The following MTCL2 variants were observed in gnomAD, a reference collection of about 807,000 sequenced individuals.
The protein encoded by MTCL2 is microtubule crosslinking factor 2.
chr20:36,825,345 C>G, the MTCL2 span, among the ~76,000 whole-genome samples: 1 of 152,158 alleles, frequency 6.6e-6, no homozygotes, highest in Non-Finnish European at 1.5e-5. Flanking sequence ...GACAACCACA[C>G]CATGTCCGTG....
At chr20:36,804,749 C>T in the MTCL2 span, 10 of 1,613,698 alleles carry the variant, frequency 6.2e-6, no homozygotes, top group African/African-American at 1.3e-5. Flanking sequence ...GAGGTATGGC[C>T]CTTGAGCTCT....
the MTCL2 span, among the ~76,000 whole-genome samples, chr20:36,846,982 C>A: frequency 6.6e-6 from 1 of 152,230 alleles, no homozygotes; most frequent in Non-Finnish European, 1.5e-5. Context: ...TGCACTCCAG[C>A]CTGGGCGACA....
At chr20:36,797,515 T>C in the MTCL2 span, 1 of 1,554,642 alleles carries the variant, frequency 6.4e-7, no homozygotes, top group East Asian at 2.4e-5. Flanking sequence ...CTTCCAGCTG[T>C]TGTCCTGCTT....
chr20:36,862,482 AG>A, the MTCL2 span, among the ~76,000 whole-genome samples: 1 of 152,046 alleles, frequency 6.6e-6, no homozygotes, highest in African/African-American at 2.4e-5. Context: ...AATAAAGTTG[AG>A]AGGGGGCGGG....
chr20:36,854,149 C>G, the MTCL2 span, among the ~76,000 whole-genome samples: 2 of 152,162 alleles, frequency 1.3e-5, no homozygotes, highest in Non-Finnish European at 2.9e-5. Flanking sequence ...GAGAGAAGCA[C>G]AAGACCCCAG....
the MTCL2 span, among the ~76,000 whole-genome samples, chr20:36,845,997 G>A: frequency 6.6e-6 from 1 of 152,138 alleles, no homozygotes; most frequent in African/African-American, 2.4e-5. Flanking sequence ...AGTAGGCCTC[G>A]TGGCTATGGA....
At chr20:36,820,000 C>A in the MTCL2 span, among the ~76,000 whole-genome samples, 22 of 152,240 alleles carry the variant, frequency 1.4e-4, no homozygotes, top group African/African-American at 5.3e-4. Flanking sequence ...GGGCCCTGGA[C>A]GGGGCACACA....
the MTCL2 span, among the ~76,000 whole-genome samples, chr20:36,831,682 C>A: frequency 6.6e-6 from 1 of 152,216 alleles, no homozygotes; most frequent in Admixed American, 6.5e-5. Context: ...CAGCCAGGAG[C>A]GGGCCCATGA....
the MTCL2 span, chr20:36,816,023 G>C: frequency 6.2e-7 from 1 of 1,613,624 alleles, no homozygotes. Flanking sequence ...CAGCCCGCAG[G>C]CCTCGGTTCT....
At chr20:36,832,280 T>C in the MTCL2 span, among the ~76,000 whole-genome samples, 1 of 152,156 alleles carries the variant, frequency 6.6e-6, no homozygotes, top group East Asian at 1.9e-4. Context: ...GGCTCCTCTC[T>C]CAAATGAGCT....
the MTCL2 span, among the ~76,000 whole-genome samples, chr20:36,790,106 C>T: frequency 3.3e-4 from 50 of 151,856 alleles, 1 homozygote; most frequent in Admixed American, 1.5e-3. Context: ...ATTCTCCTGC[C>T]TCAGCTTCCC....
the MTCL2 span, chr20:36,793,313 A>T: frequency 6.4e-7 from 1 of 1,551,712 alleles, no homozygotes; most frequent in Non-Finnish European, 8.7e-7. The surrounding 1 kb of genome is among the most constrained non-coding windows in gnomAD (Gnocchi z 6.8). Context: ...CACCTGGGGG[A>T]GCATGGTGAG....
At chr20:36,792,806 C>T in the MTCL2 span, among the ~76,000 whole-genome samples, 1 of 151,920 alleles carries the variant, frequency 6.6e-6, no homozygotes, top group South Asian at 2.1e-4. Context: ...TGGCCATATC[C>T]CTGAATTTTT....
At chr20:36,810,221 G>A in the MTCL2 span, 1 of 1,304,702 alleles carries the variant, frequency 7.7e-7, no homozygotes, top group Non-Finnish European at 1.0e-6. Flanking sequence ...TTGGACCCAA[G>A]CTGTCCAAAT....
the MTCL2 span, among the ~76,000 whole-genome samples, chr20:36,850,497 G>C: frequency 6.6e-6 from 1 of 151,640 alleles, no homozygotes; most frequent in Non-Finnish European, 1.5e-5. Flanking sequence ...CTATACTCCA[G>C]CCGGGATGAC....
At chr20:36,802,563 G>A in the MTCL2 span, among the ~76,000 whole-genome samples, 2 of 152,120 alleles carry the variant, frequency 1.3e-5, no homozygotes, top group African/African-American at 2.4e-5. Flanking sequence ...TACTTGCTAA[G>A]CTGTAAGATA....
At chr20:36,839,496 C>T in the MTCL2 span, 21 of 1,548,982 alleles carry the variant, frequency 1.4e-5, no homozygotes, top group Admixed American at 3.5e-5. The surrounding 1 kb of genome is among the most constrained non-coding windows in gnomAD (Gnocchi z 5.1). Flanking sequence ...GCTAGGAGGC[C>T]GGAGTACTGG....
At chr20:36,802,115 A>G in the MTCL2 span, among the ~76,000 whole-genome samples, 5 of 151,774 alleles carry the variant, frequency 3.3e-5, no homozygotes, top group Non-Finnish European at 7.4e-5. Context: ...GTGAAACCCT[A>G]TCTCTACTAA....
chr20:36,827,093 G>A, the MTCL2 span, among the ~76,000 whole-genome samples: 3 of 151,704 alleles, frequency 2.0e-5, no homozygotes, highest in African/African-American at 7.2e-5. Context: ...CGCCCAGGCT[G>A]GAATGAATGC....
Sources: allele counts gnomAD v4.1 joint callset (sites outside exome capture counted in the v4.1 genomes callset), GRCh38; gene constraint gnomAD v4.1.1; non-coding constraint Gnocchi (gnomAD v3.1); transcripts MANE v1.5; gene names NCBI Gene and HGNC (gene_info 2026-07-23, HGNC 2026-07-21).